STRADA: variants seen among roughly 807,000 people sequenced by gnomAD.
STRADA encodes STE20-related kinase adapter protein alpha.
Under a neutral mutation model 55.0 loss-of-function variants are expected in STRADA, and 26 were observed. That is an observed-to-expected ratio of 0.47 (90% CI 0.35 to 0.66). STRADA has a LOEUF of 0.66. STRADA is among the 30% of genes least tolerant of loss of function. STRADA has a pLI of 0.01. For missense variants in STRADA, 443 were observed against 549.7 expected, an observed-to-expected ratio of 0.81 and a Z score of 1.94; for synonymous variants, 197 against 210.9, an observed-to-expected ratio of 0.93 and a Z score of 0.57.
At chr17:63,737,248 C>CAAAAAAAAAAAAAAAAAAAAAAA (rs59155094) in intron 1 of STRADA, 11 of 72,590 alleles carry the variant, frequency 1.5e-4, no homozygotes, top group Non-Finnish European at 2.4e-4. Context: ...CACTCTATCT[C>CAAAAAAAAAAAAAAAAAAAAAAA]AAAAAAAAAA....
intron 4 of STRADA, among the ~76,000 whole-genome samples, chr17:63,721,724 A>AG (rs1555703501): frequency 6.6e-6 from 1 of 152,100 alleles, no homozygotes; most frequent in Non-Finnish European, 1.5e-5. Context: ...AAAAAAAAAA[A>AG]AAAGAAAGAA....
At chr17:63,719,557 C>T (rs2037145377) in intron 4 of STRADA, among the ~76,000 whole-genome samples, 1 of 151,658 alleles carries the variant, frequency 6.6e-6, no homozygotes, top group African/African-American at 2.4e-5. Context: ...GATCTCGGCT[C>T]ACTGCAACCT....
intron 6 of STRADA, among the ~76,000 whole-genome samples, chr17:63,711,942 GA>G (rs1023770527): frequency 1.2e-4 from 18 of 146,606 alleles, no homozygotes; most frequent in Admixed American, 5.4e-4. Flanking sequence ...CTCAAATAAA[GA>G]AAAAAAAAAG....
intron 1 of STRADA, among the ~76,000 whole-genome samples, chr17:63,734,063 G>A (rs1201612645): frequency 2.0e-5 from 3 of 152,168 alleles, no homozygotes; most frequent in East Asian, 3.8e-4. Context: ...CTGAACCTGA[G>A]GGTGTTCTTG....
Position 63,740,127 on chromosome 17 carries a change from T to G in STRADA, c.-45+1614A>C, listed in dbSNP as rs372385382. 3.8e-5 allele frequency among the ~76,000 whole-genome samples: 2 copies of G among 53,162 alleles called. 1 individual carries two copies. Among genetic ancestry groups the G allele is most frequent in the African/African-American group, 2.2e-4 (2 of 9,298 alleles). The allele number at this position is 53,162 out of a possible 152,430, so 34.9% of individuals were successfully genotyped here. On this transcript the variant is annotated intron_variant, in intron 1 of 12. Transcript: ENST00000336174. ...ATATATACATACATACATATATATATACACATACATATATATATATACACA... is the reference window on the plus strand; with the variant it reads ...ATATATACATACATACATATATATAGACACATACATATATATATATACACA...
chr17:63,740,086 C>CTATATATATA lies in STRADA; in HGVS notation c.-45+1645_-45+1654dup, dbSNP rs771962134. Reference sequence around the variant, plus strand: ...CCCAGCCTATCAGAAACATTTAACACTATATATATATATATATATATACAT... The same window carrying CTATATATATA: ...CCCAGCCTATCAGAAACATTTAACACTATATATATATATATATATATATATATATATACAT... On this transcript the variant is annotated intron_variant, in intron 1 of 12. Transcript: ENST00000336174. Among the ~76,000 whole-genome samples the CTATATATATA allele has an allele frequency of 4.3e-4, 18 of 41,508 alleles. 1 individual carries two copies. Among genetic ancestry groups the CTATATATATA allele is most frequent in the African/African-American group, 1.0e-3 (5 of 5,002 alleles). The allele number at this position is 41,508 out of a possible 152,430, so 27.2% of individuals were successfully genotyped here. A position where few individuals can be genotyped will look rare whatever the true frequency, so the allele number is the denominator to read the frequency against.
intron 1 of STRADA, among the ~76,000 whole-genome samples, chr17:63,736,482 G>A (rs2038432335): frequency 1.3e-5 from 2 of 151,692 alleles, no homozygotes; most frequent in South Asian, 4.2e-4. Flanking sequence ...ACAATAATTA[G>A]CCAGGCATGT....
In STRADA at chr17:63,710,358, G is replaced by A. The variant is rs2036414978; in HGVS notation, c.581+133C>T. 4.1e-6 allele frequency: 6 copies of A among 1,449,492 alleles called. No homozygotes were observed. In the South Asian group the frequency reaches 5.3e-5, roughly 13 times the overall value. 89.8% of individuals were successfully genotyped at this position (1,449,492 alleles called of 1,614,324 possible). On this transcript the variant is annotated intron_variant, in intron 8 of 12. Coordinates refer to ENST00000336174, the MANE Select transcript of STRADA (RefSeq NM_001003787.4). ...GCCCTGTTTCTTTTCAGAGCAAAGA[G>A]ATCTTCAGCAAGAATCCAGATCCTT... is the stretch of plus-strand genomic sequence containing the variant.
At chr17:63,706,563 T>C (rs1345854388) in intron 10 of STRADA, 72 bp downstream of exon 10, 1 of 1,064,970 alleles carries the variant, frequency 9.4e-7, no homozygotes, top group Non-Finnish European at 1.4e-6. Context: ...GTGTCCTGAG[T>C]GTGAGAGCTA....
intron 1 of STRADA, chr17:63,737,311 T>C (rs1323904703): frequency 9.0e-6 from 1 of 110,886 alleles, no homozygotes; most frequent in Non-Finnish European, 1.9e-5. Flanking sequence ...AGAAAGAAAA[T>C]CCACTTGACC....
At chr17:63,713,135 T>C (rs969320898) in intron 6 of STRADA, among the ~76,000 whole-genome samples, 8 of 152,322 alleles carry the variant, frequency 5.3e-5, no homozygotes, top group African/African-American at 1.7e-4. Flanking sequence ...ATCCTGCCTC[T>C]GCCATGAGCA....
chr17:63,704,703 G>T (rs2035963530), intron 10 of STRADA, 121 bp from the exon 11 acceptor site: 5 of 1,506,022 alleles, frequency 3.3e-6, no homozygotes, highest in South Asian at 2.6e-5. Flanking sequence ...ATCATTTGAA[G>T]AGTGGAAAAG....
chr17:63,731,256 C>CTT (rs60777564), intron 1 of STRADA, among the ~76,000 whole-genome samples: 12 of 78,040 alleles, frequency 1.5e-4, no homozygotes, highest in Admixed American at 3.3e-4. Flanking sequence ...ATATTCTTTC[C>CTT]TTTTTTTTTT....
Position 63,706,750 on chromosome 17 carries a change from A to G in STRADA, c.754-11T>C. On this transcript the variant is annotated splice_polypyrimidine_tract_variant and intron_variant, in intron 9 of 12. Coordinates refer to ENST00000336174, the MANE Select transcript of STRADA (RefSeq NM_001003787.4). ...ATAACCCTGGAGATTCTAAGCCAGA[A>G]AAAAAAGGCCACAGATTACCCCATT... 1 of 1,606,654 alleles carries G rather than the reference A, an allele frequency of 6.2e-7. No individual in the cohort carries two copies. The highest frequency in any genetic ancestry group is 8.5e-7 in the Non-Finnish European group (1 of 1,174,120).
Position 63,704,390 on chromosome 17 carries a change from G to C in STRADA, c.1051C>G (p.His351Asp), listed in dbSNP as rs376896311. 72 of 1,612,554 alleles carry C rather than the reference G, an allele frequency of 4.5e-5. No individual in the cohort carries two copies. Among genetic ancestry groups the C allele is most frequent in the South Asian group, 1.9e-4 (17 of 90,914 alleles). Residue 351 changes from histidine (H) to aspartate (D), a missense_variant, in exon 11 of 13, where the codon CAC becomes GAC. Coordinates refer to ENST00000336174, the MANE Select transcript of STRADA (RefSeq NM_001003787.4). Reference sequence around the variant, plus strand: ...CACTGCTCCACAAAGTGGTGGAAGTGGGGGGAGAAGGTTCGGTGGTAGGGG... The same window carrying C: ...CACTGCTCCACAAAGTGGTGGAAGTCGGGGGAGAAGGTTCGGTGGTAGGGG... ...SHPYHRTFSP[H>D]FHHFVEQCLQ...
At chr17:63,705,153 T>A (rs2035999349) in intron 10 of STRADA, 1 of 591,950 alleles carries the variant, frequency 1.7e-6, no homozygotes, top group East Asian at 2.8e-5. Context: ...GAAGTCCTCA[T>A]GACCGCATAA....
At chr17:63,714,132 G>A in intron 4 of STRADA, 24 bp from the exon 5 acceptor site, 1 of 1,487,224 alleles carries the variant, frequency 6.7e-7, no homozygotes, top group Non-Finnish European at 9.2e-7. Context: ...AGAAAAATAG[G>A]TTAGTAGAGA....
chr17:63,739,573 G>C lies in STRADA; in HGVS notation c.-45+2168C>G, dbSNP rs1299559585. On this transcript the variant is annotated intron_variant, in intron 1 of 12. Coordinates refer to ENST00000336174, the MANE Select transcript of STRADA (RefSeq NM_001003787.4). ...CTTAAAATGTAAATTCTAATGGAAG[G>C]GGAGGGCAGATGGATATCATTCGAA... Among the ~76,000 whole-genome samples the C allele has an allele frequency of 2.6e-5, 4 of 151,844 alleles. No individual in the cohort carries two copies. The East Asian group carries it at 7.7e-4, about 29-fold the overall frequency.
In STRADA at chr17:63,737,774, C is replaced by A. The variant is rs546043504; in HGVS notation, c.-45+3967G>T. ...CCTGTGTTCCCAGCACTTTGGGAAACAGAGGTGGGTGGATCACTTGAGCCC... is the reference window on the plus strand; with the variant it reads ...CCTGTGTTCCCAGCACTTTGGGAAAAAGAGGTGGGTGGATCACTTGAGCCC... On this transcript the variant is annotated intron_variant, in intron 1 of 12. Transcript: ENST00000336174. Among the ~76,000 whole-genome samples, 7 of 152,186 alleles carry A rather than the reference C, an allele frequency of 4.6e-5. No individual in the cohort carries two copies. In the South Asian group the frequency reaches 1.5e-3, roughly 32 times the overall value.
Sources: gnomAD v4.1 joint callset for allele counts (sites outside exome capture counted in the v4.1 genomes callset) on GRCh38, gnomAD v4.1.1 for gene constraint, MANE v1.5 for transcripts, NCBI Gene and HGNC (gene_info 2026-07-23, HGNC 2026-07-21) for gene names.